The following SAMD5 variants were observed in gnomAD, a reference collection of about 807,000 sequenced individuals.
SAMD5 encodes sterile alpha motif domain containing 5, also known as sterile alpha motif domain-containing protein 5.
SAMD5 carries 13 observed loss-of-function variants against 11.3 expected under a neutral mutation model. The observed-to-expected ratio is 1.15, with a 90% CI of 0.75 to 1.83. The LOEUF (loss-of-function observed/expected upper bound fraction) is 1.83, where lower values mean the gene tolerates loss of function less well. Among genes scored for constraint, SAMD5 ranks in the 40% most tolerant of loss-of-function variants. The pLI, the probability that SAMD5 is intolerant of heterozygous loss-of-function variation, is 0.00. For synonymous variants in SAMD5, 129 were observed against 111.3 expected, an observed-to-expected ratio of 1.16 and a Z score of -1.00; for missense variants, 255 against 239.1, an observed-to-expected ratio of 1.07 and a Z score of -0.44.
chr6:147,868,136 A>C, the SAMD5 span, among the ~76,000 whole-genome samples: 1 of 152,206 alleles, frequency 6.6e-6, no homozygotes, highest in Non-Finnish European at 1.5e-5. Context: ...CTTTACAACT[A>C]TTCAAAGCTG....
the SAMD5 span, among the ~76,000 whole-genome samples, chr6:147,796,696 T>G: frequency 6.6e-6 from 1 of 152,226 alleles, no homozygotes; most frequent in Non-Finnish European, 1.5e-5. Flanking sequence ...TTCCTACCCA[T>G]GAGCATGGAA....
chr6:147,843,490 A>T, the SAMD5 span, among the ~76,000 whole-genome samples: 4 of 152,094 alleles, frequency 2.6e-5, no homozygotes, highest in Admixed American at 2.0e-4. Flanking sequence ...ATTTTTTTTT[A>T]AATCCAAAAA....
At chr6:147,755,074 AT>A in the SAMD5 span, among the ~76,000 whole-genome samples, 5 of 150,994 alleles carry the variant, frequency 3.3e-5, no homozygotes, top group Non-Finnish European at 7.4e-5. Flanking sequence ...AAATTTTAGG[AT>A]TTTTTTTTCT....
the SAMD5 span, among the ~76,000 whole-genome samples, chr6:147,790,822 C>CTCTT: frequency 7.9e-6 from 1 of 127,228 alleles, no homozygotes; most frequent in African/African-American, 2.9e-5. Context: ...CTCTCTCTCT[C>CTCTT]TCTCTTCTCT....
At chr6:147,595,144 C>T (rs1371676359) in intron 1 of SAMD5, among the ~76,000 whole-genome samples, 1 of 152,214 alleles carries the variant, frequency 6.6e-6, no homozygotes. Context: ...TTGAGAGTTG[C>T]TCTAGCTCAG....
the SAMD5 span, among the ~76,000 whole-genome samples, chr6:147,856,265 C>T: frequency 7.9e-5 from 12 of 151,950 alleles, no homozygotes; most frequent in East Asian, 1.9e-4. Context: ...TAGTTGTCAA[C>T]GGGTGGGTGT....
chr6:147,689,436 A>G (rs902882958), intron 1 of SAMD5, among the ~76,000 whole-genome samples: 1 of 152,196 alleles, frequency 6.6e-6, no homozygotes, highest in African/African-American at 2.4e-5. Context: ...CATTATCCTT[A>G]TATGTAAAAT....
chr6:147,617,830 T>C (rs1789895271), intron 1 of SAMD5, among the ~76,000 whole-genome samples: 1 of 152,214 alleles, frequency 6.6e-6, no homozygotes, highest in Non-Finnish European at 1.5e-5. Flanking sequence ...ACAATAATAA[T>C]GCCTGTTTCC....
At chr6:147,953,182 A>G in the SAMD5 span, 2 of 152,182 alleles carry the variant, frequency 1.3e-5, no homozygotes, top group Admixed American at 6.5e-5. Flanking sequence ...AAAGTGTGGC[A>G]TATTTTGAAA....
intron 1 of SAMD5, among the ~76,000 whole-genome samples, chr6:147,525,333 G>A (rs1788320274): frequency 6.8e-6 from 1 of 146,144 alleles, no homozygotes; most frequent in Non-Finnish European, 1.5e-5. Context: ...TGGAGGTGGT[G>A]ATGGTATGGC....
At chr6:147,863,884 C>T in the SAMD5 span, among the ~76,000 whole-genome samples, 87 of 143,564 alleles carry the variant, frequency 6.1e-4, no homozygotes, top group African/African-American at 2.3e-3. Context: ...TGCTCTGTTG[C>T]CCAGGCTGGA....
At chr6:147,914,810 A>G in the SAMD5 span, among the ~76,000 whole-genome samples, 14 of 152,190 alleles carry the variant, frequency 9.2e-5, no homozygotes, top group African/African-American at 2.9e-4. Context: ...TTCAGATGTA[A>G]TATCATAAGA....
At chr6:147,785,013 T>C in the SAMD5 span, among the ~76,000 whole-genome samples, 1 of 152,208 alleles carries the variant, frequency 6.6e-6, no homozygotes, top group Non-Finnish European at 1.5e-5. Context: ...AAGTAGATTA[T>C]AAAGTTATGG....
chr6:147,775,776 TG>T, the SAMD5 span, among the ~76,000 whole-genome samples: 7 of 152,264 alleles, frequency 4.6e-5, no homozygotes, highest in Non-Finnish European at 1.0e-4. Context: ...TTACCTTCTC[TG>T]GAGCCAGACT....
At chr6:147,754,343 A>G in the SAMD5 span, among the ~76,000 whole-genome samples, 1,051 of 93,772 alleles carry the variant, frequency 0.011, 9 homozygotes, top group African/African-American at 0.045. Flanking sequence ...TGCCATTTGT[A>G]TGTCTTTTTT....
chr6:147,846,802 A>C, the SAMD5 span, among the ~76,000 whole-genome samples: 1 of 152,232 alleles, frequency 6.6e-6, no homozygotes, highest in African/African-American at 2.4e-5. Flanking sequence ...CCTGGGTGAC[A>C]GAGCGAAACT....
the SAMD5 span, among the ~76,000 whole-genome samples, chr6:147,892,683 G>T: frequency 6.6e-6 from 1 of 152,128 alleles, no homozygotes; most frequent in East Asian, 1.9e-4. Context: ...CGGAGAGCTT[G>T]GAATAAGAGA....
intron 1 of SAMD5, among the ~76,000 whole-genome samples, chr6:147,700,384 G>A (rs966361059): frequency 1.3e-5 from 2 of 152,112 alleles, no homozygotes; most frequent in Non-Finnish European, 2.9e-5. Flanking sequence ...ATGAAAAGCA[G>A]GTGCATAGTT....
At chr6:147,510,008 G>C (rs1451237079) in intron 1 of SAMD5, among the ~76,000 whole-genome samples, 2 of 152,192 alleles carry the variant, frequency 1.3e-5, no homozygotes, top group African/African-American at 2.4e-5. Flanking sequence ...GTGTATACTG[G>C]AGGCAATAAG....
Sources: gnomAD v4.1 joint callset for allele counts (sites outside exome capture counted in the v4.1 genomes callset) on GRCh38, gnomAD v4.1.1 for gene constraint, MANE v1.5 for transcripts, NCBI Gene and HGNC (gene_info 2026-07-23, HGNC 2026-07-21) for gene names.